The following IMPACT variants were observed in gnomAD, a reference collection of about 807,000 sequenced individuals.
IMPACT encodes impact RWD domain protein.
Under a neutral mutation model 47.5 loss-of-function variants are expected in IMPACT, and 35 were observed. That is an observed-to-expected ratio of 0.74 (90% CI 0.56 to 0.98). The LOEUF (loss-of-function observed/expected upper bound fraction) is 0.98. Among genes scored for constraint, IMPACT ranks in the 50% least tolerant of loss-of-function variants. IMPACT has a pLI of 0.00. For synonymous variants in IMPACT, 118 were observed against 125.6 expected, an observed-to-expected ratio of 0.94 and a Z score of 0.40; for missense variants, 373 against 394.8, an observed-to-expected ratio of 0.94 and a Z score of 0.47.
rs1315084057 is a variant in IMPACT at position 24,452,359 on chromosome 18, C to T, written c.*1512C>T. 6.6e-6 allele frequency: 1 copy of T among 151,786 alleles called. No homozygotes were observed. Among genetic ancestry groups the T allele is most frequent in the Non-Finnish European group, 1.5e-5 (1 of 67,936 alleles). 9.4% of individuals were successfully genotyped at this position (151,786 alleles called of 1,614,324 possible). Reference sequence around the variant, plus strand: ...CTTTTTGTGTTTGGAACACTTGGTTCCATGAAAAGTATGCTTTGTGTTTTA... The same window carrying T: ...CTTTTTGTGTTTGGAACACTTGGTTTCATGAAAAGTATGCTTTGTGTTTTA... On this transcript the variant is annotated 3_prime_UTR_variant, in exon 11 of 11. Transcript: ENST00000284202.
In IMPACT at chr18:24,426,688, A is replaced by G; in HGVS notation, c.-69A>G. 8.7e-7 allele frequency: 1 copy of G among 1,155,362 alleles called. No individual in the cohort carries two copies. Among genetic ancestry groups the G allele is most frequent in the Non-Finnish European group, 1.1e-6 (1 of 916,880 alleles). The allele number at this position is 1,155,362 out of a possible 1,614,324, so 71.6% of individuals were successfully genotyped here. On this transcript the variant is annotated 5_prime_UTR_variant, in exon 1 of 11. Coordinates refer to ENST00000284202, the MANE Select transcript of IMPACT (RefSeq NM_018439.4). Reference sequence around the variant, plus strand: ...GCGCCGCAGCCAGCTCTCGGCTCGCAGCCGCAGCGCCCCGCCCCCGCGCTC... The same window carrying G: ...GCGCCGCAGCCAGCTCTCGGCTCGCGGCCGCAGCGCCCCGCCCCCGCGCTC...
At chr18:24,437,746 G>A (rs1037543736) in intron 4 of IMPACT, among the ~76,000 whole-genome samples, 1 of 151,914 alleles carries the variant, frequency 6.6e-6, no homozygotes, top group East Asian at 1.9e-4. Flanking sequence ...TGTTAATTTT[G>A]GAGTCAACTG....
rs943828755 is a variant in IMPACT, at chr18:24,452,568, A to G, written c.*1721A>G. 3 of 152,168 alleles carry G rather than the reference A, an allele frequency of 2.0e-5. No individual in the cohort carries two copies. The highest frequency in any genetic ancestry group is 7.2e-5 in the African/African-American group (3 of 41,456). The allele number at this position is 152,168 out of a possible 1,614,324, so 9.4% of individuals were successfully genotyped here. A position where few individuals can be genotyped will look rare whatever the true frequency, so the allele number is the denominator to read the frequency against. Reference sequence around the variant, plus strand: ...TATATTTTACTAACTAAAAAACTCTAGTATTCTTTACCTAAAGTCAATTGG... The same window carrying G: ...TATATTTTACTAACTAAAAAACTCTGGTATTCTTTACCTAAAGTCAATTGG... On this transcript the variant is annotated 3_prime_UTR_variant, in exon 11 of 11. Coordinates refer to ENST00000284202, the MANE Select transcript of IMPACT (RefSeq NM_018439.4).
Position 24,438,031 on chromosome 18 carries a change from A to G in IMPACT, c.358A>G (p.Thr120Ala), listed in dbSNP as rs373215906. The change falls in exon 5 of 11, where the codon ACA becomes GCA. Residue 120 changes from threonine (T) to alanine (A), a missense_variant. Coordinates refer to ENST00000284202, the MANE Select transcript of IMPACT (RefSeq NM_018439.4). ...TGTTCTTATACAAAAATCTCAGATG[A>G]CAGAACCAGGTAGGATTGAAAAATA... ...RDVLIQKSQM[T>A]EPGPDVKKKT... 103 of 1,508,374 alleles carry G rather than the reference A, an allele frequency of 6.8e-5. No individual in the cohort carries two copies. Among genetic ancestry groups the G allele is most frequent in the Non-Finnish European group, 9.1e-5 (100 of 1,093,600 alleles). The allele number at this position is 1,508,374 out of a possible 1,614,324, so 93.4% of individuals were successfully genotyped here.
chr18:24,433,260 C>T (rs866761634), intron 4 of IMPACT, among the ~76,000 whole-genome samples: 4 of 121,728 alleles, frequency 3.3e-5, no homozygotes, highest in South Asian at 5.7e-4. Context: ...ACTGCAGTGG[C>T]GCAATCTCGG....
intron 6 of IMPACT, among the ~76,000 whole-genome samples, chr18:24,442,498 G>A (rs753324205): frequency 3.3e-5 from 5 of 152,130 alleles, no homozygotes; most frequent in Admixed American, 2.0e-4. Context: ...TGGAAATCAT[G>A]ATGCTCTTTA....
rs373453058 is a variant in IMPACT, at chr18:24,440,612, C to T, written c.484C>T (p.Arg162Trp). The T allele has an allele frequency of 1.4e-5, 22 of 1,612,498 alleles. No individual in the cohort carries two copies. In the South Asian group the frequency reaches 2.0e-4, roughly 15 times the overall value. The change falls in exon 6 of 11, where the codon CGG becomes TGG. Residue 162 changes from arginine (R) to tryptophan (W), a missense_variant. Transcript: ENST00000284202. ...KALDFDISET[R>W]TEVEVEELPP... ...ATTGGATTTTGATATCAGTGAAACT[C>T]GGACAGGTATAATGTTACTAACTAA...
At chr18:24,444,130 T>C (rs1401383051) in intron 7 of IMPACT, among the ~76,000 whole-genome samples, 5 of 152,196 alleles carry the variant, frequency 3.3e-5, no homozygotes, top group Non-Finnish European at 7.3e-5. Flanking sequence ...ACTTCTGGTC[T>C]TTTCTCTCAG....
At chr18:24,433,913 C>T (rs1022231439) in intron 4 of IMPACT, among the ~76,000 whole-genome samples, 4 of 151,900 alleles carry the variant, frequency 2.6e-5, no homozygotes, top group Admixed American at 6.6e-5. Flanking sequence ...TCAAGTGATC[C>T]GCCTGCCTCG....
chr18:24,440,896 C>T (rs1909092591), intron 6 of IMPACT, among the ~76,000 whole-genome samples: 2 of 152,168 alleles, frequency 1.3e-5, no homozygotes, highest in African/African-American at 2.4e-5. Context: ...AGGCTATTAA[C>T]GTTTTTAGTT....
chr18:24,433,501 C>G (rs931414430), intron 4 of IMPACT, among the ~76,000 whole-genome samples: 3 of 142,820 alleles, frequency 2.1e-5, no homozygotes, highest in Non-Finnish European at 4.6e-5. Context: ...GCCCGGCCAA[C>G]TTTTTTTTTT....
chr18:24,438,571 C>T (rs1909007520), intron 5 of IMPACT, among the ~76,000 whole-genome samples: 1 of 152,128 alleles, frequency 6.6e-6, no homozygotes, highest in Non-Finnish European at 1.5e-5. Flanking sequence ...TTGGGTTTGT[C>T]CATTGTTTTC....
intron 1 of IMPACT, chr18:24,427,655 A>G (rs145578430): frequency 4.8e-4 from 192 of 401,404 alleles, no homozygotes; most frequent in African/African-American, 3.8e-3. Flanking sequence ...GGGAGTGCAT[A>G]TATATTATAT....
intron 4 of IMPACT, among the ~76,000 whole-genome samples, chr18:24,436,229 T>C (rs901411835): frequency 6.6e-6 from 1 of 152,178 alleles, no homozygotes; most frequent in Non-Finnish European, 1.5e-5. Context: ...TATCATTTTT[T>C]TGTTCTTTAA....
chr18:24,451,740 C>T lies in IMPACT; in HGVS notation c.*893C>T, dbSNP rs1460163365. 6.6e-6 allele frequency: 1 copy of T among 152,152 alleles called. No individual in the cohort carries two copies. Among genetic ancestry groups the T allele is most frequent in the Non-Finnish European group, 1.5e-5 (1 of 68,038 alleles). The allele number at this position is 152,152 out of a possible 1,614,324, so 9.4% of individuals were successfully genotyped here. A position where few individuals can be genotyped will look rare whatever the true frequency, so the allele number is the denominator to read the frequency against. ...GTGGGATAGAGGTGGCAGAATGAAC[C>T]TGGTGTAGGGCAGGAGTATGTTGTG... On this transcript the variant is annotated 3_prime_UTR_variant, in exon 11 of 11. Coordinates refer to ENST00000284202, the MANE Select transcript of IMPACT (RefSeq NM_018439.4).
In IMPACT at chr18:24,453,259, A is replaced by G. The variant is rs1909431885; in HGVS notation, c.*2412A>G. ...CTAATTACAACCAAGAAATAATAGT[A>G]TGAAGCGGATGCTGTTTGGAGGACA... On this transcript the variant is annotated 3_prime_UTR_variant, in exon 11 of 11. Transcript: ENST00000284202. 2 of 152,342 alleles carry G rather than the reference A, an allele frequency of 1.3e-5. No homozygotes were observed. Among genetic ancestry groups the G allele is most frequent in the African/African-American group, 2.4e-5 (1 of 41,574 alleles). 9.4% of individuals were successfully genotyped at this position (152,342 alleles called of 1,614,324 possible). A position where few individuals can be genotyped will look rare whatever the true frequency, so the allele number is the denominator to read the frequency against.
chr18:24,429,421 T>G (rs1908695348), intron 3 of IMPACT: 1 of 152,786 alleles, frequency 6.5e-6, no homozygotes, highest in Non-Finnish European at 1.5e-5. Flanking sequence ...GCAAGTGATA[T>G]TTCATCTACC....
At chr18:24,431,225 G>T (rs895214027) in intron 4 of IMPACT, among the ~76,000 whole-genome samples, 2 of 152,104 alleles carry the variant, frequency 1.3e-5, no homozygotes, top group Non-Finnish European at 2.9e-5. Flanking sequence ...CGGAGGTGAG[G>T]GATGGCTTGT....
intron 4 of IMPACT, among the ~76,000 whole-genome samples, chr18:24,432,259 T>C (rs1908777351): frequency 6.6e-6 from 1 of 152,208 alleles, no homozygotes; most frequent in Non-Finnish European, 1.5e-5. Flanking sequence ...AATGCAGTTG[T>C]CTAGAGAGGA....
Sources: gnomAD v4.1 joint callset for allele counts (sites outside exome capture counted in the v4.1 genomes callset) on GRCh38, gnomAD v4.1.1 for gene constraint, MANE v1.5 for transcripts, NCBI Gene and HGNC (gene_info 2026-07-23, HGNC 2026-07-21) for gene names.